The following LEP variants were observed in gnomAD, a reference collection of about 807,000 sequenced individuals.
LEP encodes the protein leptin.
Under a neutral mutation model 9.8 loss-of-function variants are expected in LEP, and 6 were observed. The observed-to-expected ratio is 0.61, with a 90% CI of 0.34 to 1.21. The LOEUF (loss-of-function observed/expected upper bound fraction) is 1.21, where lower values mean the gene tolerates loss of function less well. Among genes scored for constraint, LEP ranks in the 50% most tolerant of loss-of-function variants. The pLI, the probability that LEP is intolerant of heterozygous loss-of-function variation, is 0.04. For missense variants in LEP, 134 were observed against 198.1 expected (o/e 0.68, Z 1.94); for synonymous variants, 112 against 81.7 (o/e 1.37, Z -2.00).
chr7:128,241,998 A>G (rs1795157688), intron 1 of LEP, among the ~76,000 whole-genome samples: 2 of 152,244 alleles, frequency 1.3e-5, no homozygotes, highest in African/African-American at 4.8e-5. Context: ...GGGAACTTCT[A>G]GCCAGGACTG....
rs1795320126 is a variant in LEP at position 128,254,955 on chromosome 7, A to T, written c.*192A>T. 3 of 641,280 alleles carry T rather than the reference A, an allele frequency of 4.7e-6. No homozygotes were observed. The highest frequency in any genetic ancestry group is 8.3e-6 in the Non-Finnish European group (3 of 362,074). 39.7% of individuals were successfully genotyped at this position (641,280 alleles called of 1,614,324 possible). ...TCCTTTTGCTTGAAACCAAAGATAT[A>T]TACACAGGATCCTATTCTCACCAGG... On this transcript the variant is annotated 3_prime_UTR_variant, in exon 3 of 3. Transcript: ENST00000308868.
At chr7:128,249,088 C>T (rs544915771) in intron 1 of LEP, among the ~76,000 whole-genome samples, 1 of 152,336 alleles carries the variant, frequency 6.6e-6, no homozygotes, top group East Asian at 1.9e-4. Flanking sequence ...CATTCTTCCT[C>T]CCCTTCTTGG....
chr7:128,253,354 GCAGGCCTAGACCTT>G (rs1795297120), intron 2 of LEP, among the ~76,000 whole-genome samples: 2 of 152,162 alleles, frequency 1.3e-5, no homozygotes, highest in Non-Finnish European at 2.9e-5. Context: ...CTGGGGTCCA[GCAGGCCTAGACCTT>G]CAGCCATTTT....
In LEP at chr7:128,254,749, A is replaced by C. The variant is rs770761500; in HGVS notation, c.490A>C (p.Ser164Arg). Residue 164 changes from serine to arginine, a missense_variant, in exon 3 of 3, where the codon AGC (serine) becomes CGC (arginine). By Grantham distance (110) the Ser-to-Arg change is moderately radical. Coordinates refer to ENST00000308868, the MANE Select transcript of LEP (RefSeq NM_000230.3). ...LQDMLWQLDL[S>R]PGC ...GGACATGCTGTGGCAGCTGGACCTC[A>C]GCCCTGGGTGCTGAGGCCTTGAAGG... 6.2e-7 allele frequency: 1 copy of C among 1,610,658 alleles called. No homozygotes were observed. Among genetic ancestry groups the C allele is most frequent in the South Asian group, 1.1e-5 (1 of 91,064 alleles).
At chr7:128,254,368 T>G (rs769051518) in intron 2 of LEP, 36 bp from the exon 3 acceptor site, 2 of 1,609,034 alleles carry the variant, frequency 1.2e-6, no homozygotes, top group Admixed American at 3.3e-5. Flanking sequence ...TCCTCCCACA[T>G]GCTGAGCACT....
intron 2 of LEP, among the ~76,000 whole-genome samples, chr7:128,253,854 T>C (rs922832966): frequency 2.6e-5 from 4 of 152,206 alleles, no homozygotes; most frequent in African/African-American, 9.7e-5. Context: ...CCCCGGGTAG[T>C]AACCACGGAG....
rs1795339275 is a variant in LEP at position 128,256,309 on chromosome 7, T to A, written c.*1546T>A. On this transcript the variant is annotated 3_prime_UTR_variant, in exon 3 of 3. Coordinates refer to ENST00000308868, the MANE Select transcript of LEP (RefSeq NM_000230.3). ...GGTTTGGGGTCTGCCACCATCCTGC[T>A]GCTGTGTTTTTGCTATCACACAGTG... is the stretch of plus-strand genomic sequence containing the variant. 6.5e-6 allele frequency: 1 copy of A among 152,692 alleles called. No homozygotes were observed. The highest frequency in any genetic ancestry group is 2.4e-5 in the African/African-American group (1 of 41,470). 9.5% of individuals were successfully genotyped at this position (152,692 alleles called of 1,614,324 possible).
chr7:128,255,003 G>A lies in LEP; in HGVS notation c.*240G>A. Reference sequence around the variant, plus strand: ...AGGAAGGGGGTCCACCCAGCAAAGAGTGGGCTGCATCTGGGATTCCCACCA... The same window carrying A: ...AGGAAGGGGGTCCACCCAGCAAAGAATGGGCTGCATCTGGGATTCCCACCA... On this transcript the variant is annotated 3_prime_UTR_variant, in exon 3 of 3. Transcript: ENST00000308868. 1.9e-6 allele frequency: 1 copy of A among 536,726 alleles called. No homozygotes were observed. The highest frequency in any genetic ancestry group is 3.4e-6 in the Non-Finnish European group (1 of 296,664). 33.2% of individuals were successfully genotyped at this position (536,726 alleles called of 1,614,324 possible). A position where few individuals can be genotyped will look rare whatever the true frequency, so the allele number is the denominator to read the frequency against.
chr7:128,250,619 C>T (rs1356132645), intron 1 of LEP, among the ~76,000 whole-genome samples: 1 of 152,074 alleles, frequency 6.6e-6, no homozygotes, highest in Non-Finnish European at 1.5e-5. Context: ...AAAAACATGG[C>T]TTTGATCAAA....
Position 128,251,256 on chromosome 7 carries a change from C to T in LEP, c.-28-735C>T, listed in dbSNP as rs549755515. The stretch of plus-strand genomic sequence containing the variant: ...TTGTTTCTCCTATTAAACTGTAAGC[C>T]ACTCGAGGGTAGAGAGCATCTGTTG... On this transcript the variant is annotated intron_variant, in intron 1 of 2. Coordinates refer to ENST00000308868, the MANE Select transcript of LEP (RefSeq NM_000230.3). Among the ~76,000 whole-genome samples the T allele has an allele frequency of 1.3e-3, 197 of 152,294 alleles. 8 individuals carry two copies. In the South Asian group the frequency reaches 0.04, roughly 31 times the overall value.
chr7:128,244,621 G>A (rs1440081790), intron 1 of LEP, among the ~76,000 whole-genome samples: 1 of 152,192 alleles, frequency 6.6e-6, no homozygotes, highest in Non-Finnish European at 1.5e-5. Flanking sequence ...AAAGTTGAAA[G>A]CTATCCAAGT....
At chr7:128,246,160 C>T (rs145511447) in intron 1 of LEP, among the ~76,000 whole-genome samples, 1 of 152,238 alleles carries the variant, frequency 6.6e-6, no homozygotes, top group Non-Finnish European at 1.5e-5. Context: ...TTGAGGTCCC[C>T]AGGATGGAGG....
At chr7:128,250,268 G>A (rs543426453) in intron 1 of LEP, among the ~76,000 whole-genome samples, 6 of 152,282 alleles carry the variant, frequency 3.9e-5, no homozygotes, top group African/African-American at 1.4e-4. Context: ...AGCTAATAGA[G>A]GAAGTTTTAC....
At chr7:128,241,478 C>G (rs941110249) in intron 1 of LEP, among the ~76,000 whole-genome samples, 172 bp downstream of exon 1, 6 of 152,176 alleles carry the variant, frequency 3.9e-5, no homozygotes, top group African/African-American at 1.2e-4. Context: ...TAGAAGGTTA[C>G]CGGGAGCTGG....
chr7:128,251,831 A>G (rs992277237), intron 1 of LEP, among the ~76,000 whole-genome samples, 160 bp from the exon 2 acceptor site: 1 of 152,226 alleles, frequency 6.6e-6, no homozygotes, highest in Non-Finnish European at 1.5e-5. Flanking sequence ...TCATTAATAC[A>G]TATGTAGATC....
In LEP at chr7:128,257,567, T is replaced by TA. The variant is rs56247456; in HGVS notation, c.*2822dup. ...CTGATGACAGAGCGAGATTCCGTCTTAAAAAAAAAAAAAAAAAAGTTTGTT... is the reference window on the plus strand; with the variant it reads ...CTGATGACAGAGCGAGATTCCGTCTTAAAAAAAAAAAAAAAAAAAGTTTGTT... On this transcript the variant is annotated 3_prime_UTR_variant, in exon 3 of 3. Coordinates refer to ENST00000308868, the MANE Select transcript of LEP (RefSeq NM_000230.3). 0.065 allele frequency: 8,742 copies of TA among 134,048 alleles called. 628 individuals carry two copies. The highest frequency in any genetic ancestry group is 0.18 in the African/African-American group (6,541 of 36,318). The allele number at this position is 134,048 out of a possible 1,614,324, so 8.3% of individuals were successfully genotyped here. A position where few individuals can be genotyped will look rare whatever the true frequency, so the allele number is the denominator to read the frequency against.
intron 1 of LEP, among the ~76,000 whole-genome samples, chr7:128,245,799 C>T (rs1374044220): frequency 2.6e-5 from 4 of 152,182 alleles, no homozygotes; most frequent in Admixed American, 6.5e-5. Flanking sequence ...CTCGGTGGCT[C>T]ATGCCTGTAA....
intron 1 of LEP, among the ~76,000 whole-genome samples, chr7:128,249,729 G>T (rs1795252716): frequency 2.0e-5 from 3 of 152,192 alleles, no homozygotes; most frequent in African/African-American, 7.2e-5. Context: ...TGTGATGTTT[G>T]TATGAGCATG....
At position 128,254,885 on chromosome 7, in the gene LEP, C is replaced by T; in HGVS notation, c.*122C>T. On this transcript the variant is annotated 3_prime_UTR_variant, in exon 3 of 3. Coordinates refer to ENST00000308868, the MANE Select transcript of LEP (RefSeq NM_000230.3). ...CTTATCCAGGACTCTGTCAATTTCC[C>T]TGACTCCTCTAAGCCACTCTTCCAA... The T allele has an allele frequency of 9.0e-7, 1 of 1,109,332 alleles. No individual in the cohort carries two copies. The highest frequency in any genetic ancestry group is 1.5e-5 in the African/African-American group (1 of 65,226). 68.7% of individuals were successfully genotyped at this position (1,109,332 alleles called of 1,614,324 possible). A position where few individuals can be genotyped will look rare whatever the true frequency, so the allele number is the denominator to read the frequency against.
Sources: gnomAD v4.1 joint callset for allele counts (sites outside exome capture counted in the v4.1 genomes callset) on GRCh38, gnomAD v4.1.1 for gene constraint, MANE v1.5 for transcripts, NCBI Gene and HGNC (gene_info 2026-07-23, HGNC 2026-07-21) for gene names.